Variants in ARHGAP24 observed in about 807,000 individuals in gnomAD.
ARHGAP24 encodes Rho GTPase activating protein 24, also known as rho GTPase-activating protein 24.
ARHGAP24 carries 50 observed loss-of-function variants against 76.4 expected under a neutral mutation model. The ratio of observed to expected loss-of-function variants is 0.65; its 90% confidence interval spans 0.52 to 0.83. The LOEUF is 0.83. ARHGAP24 is among the 40% of genes least tolerant of loss of function. The probability of loss-of-function intolerance (pLI) is 0.00; values close to 1 mark genes in which losing one functional copy is unlikely to be tolerated. For missense variants in ARHGAP24, 930 were observed against 914.2 expected, an observed-to-expected ratio of 1.02 and a Z score of -0.22; for synonymous variants, 345 against 323.3, an observed-to-expected ratio of 1.07 and a Z score of -0.72.
intron 3 of ARHGAP24, among the ~76,000 whole-genome samples, chr4:85,811,459 A>G (rs1480066766): frequency 1.3e-5 from 2 of 152,164 alleles, no homozygotes; most frequent in Non-Finnish European, 1.5e-5. Context: ...GAGAAACTTA[A>G]TATGCAAGGG....
chr4:85,833,340 C>A (rs990073080), intron 3 of ARHGAP24, among the ~76,000 whole-genome samples: 2 of 152,188 alleles, frequency 1.3e-5, no homozygotes, highest in African/African-American at 4.8e-5. Context: ...GGGGAGGAGA[C>A]AGCTTCAATT....
intron 3 of ARHGAP24, among the ~76,000 whole-genome samples, chr4:85,769,619 T>G (rs1727055401): frequency 6.6e-6 from 1 of 152,068 alleles, no homozygotes; most frequent in African/African-American, 2.4e-5. Context: ...GGTTAATCCT[T>G]TTTTTCTTTC....
rs551952923 is a variant in ARHGAP24, at chr4:85,797,096, A to G, written c.268+75124A>G. ...CCATTTTCTTCTGCAGTGTCTCTCTATCGCCCTCTACTGATGATAGAGTTT... is the reference window on the plus strand; with the variant it reads ...CCATTTTCTTCTGCAGTGTCTCTCTGTCGCCCTCTACTGATGATAGAGTTT... On this transcript the variant is annotated intron_variant, in intron 3 of 9. Transcript: ENST00000395184. 1.5e-3 allele frequency among the ~76,000 whole-genome samples: 228 copies of G among 152,222 alleles called. 3 individuals are homozygous for G. In the South Asian group the frequency reaches 0.019, roughly 12 times the overall value.
intron 1 of ARHGAP24, among the ~76,000 whole-genome samples, chr4:85,526,520 T>G (rs891447168): frequency 6.6e-6 from 1 of 151,956 alleles, no homozygotes; most frequent in East Asian, 1.9e-4. Context: ...TATATACTAA[T>G]GGTATGGGGC....
At chr4:85,883,844 G>C (rs1345672631) in intron 3 of ARHGAP24, among the ~76,000 whole-genome samples, 1 of 152,064 alleles carries the variant, frequency 6.6e-6, no homozygotes, top group African/African-American at 2.4e-5. Flanking sequence ...GCAGAGTATA[G>C]CTGCTTGTTC....
intron 1 of ARHGAP24, among the ~76,000 whole-genome samples, chr4:85,492,920 C>A (rs1723415623): frequency 6.6e-6 from 1 of 152,128 alleles, no homozygotes; most frequent in African/African-American, 2.4e-5. Context: ...AAATCATACA[C>A]AACATTTATT....
At chr4:85,606,225 TAGGCC>T (rs1311773147) in intron 2 of ARHGAP24, among the ~76,000 whole-genome samples, 1 of 152,130 alleles carries the variant, frequency 6.6e-6, no homozygotes, top group African/African-American at 2.4e-5. Context: ...AAGGAAAAGA[TAGGCC>T]AGGCCGGGCG....
At chr4:85,769,733 G>T (rs796579971) in intron 3 of ARHGAP24, among the ~76,000 whole-genome samples, 11 of 151,186 alleles carry the variant, frequency 7.3e-5, no homozygotes, top group South Asian at 6.3e-4. Flanking sequence ...GATTACAGGC[G>T]CCCGCCACTA....
chr4:85,737,539 T>C (rs1247521048), intron 3 of ARHGAP24, among the ~76,000 whole-genome samples: 2 of 152,212 alleles, frequency 1.3e-5, no homozygotes, highest in Non-Finnish European at 2.9e-5. Flanking sequence ...AGTATGTTAA[T>C]CGTGGCTGAA....
chr4:85,943,046 C>T (rs568221928), intron 5 of ARHGAP24, among the ~76,000 whole-genome samples: 19 of 152,196 alleles, frequency 1.2e-4, no homozygotes, highest in African/African-American at 4.6e-4. Flanking sequence ...TCTAATATTT[C>T]ACTCTACAGG....
intron 3 of ARHGAP24, among the ~76,000 whole-genome samples, chr4:85,767,279 A>T (rs1228376910): frequency 1.3e-5 from 2 of 152,188 alleles, no homozygotes; most frequent in Non-Finnish European, 2.9e-5. Context: ...ATTATAAGTA[A>T]ACTTAAATGT....
At chr4:85,502,848 CTTTG>C (rs1393939066) in intron 1 of ARHGAP24, among the ~76,000 whole-genome samples, 1 of 151,978 alleles carries the variant, frequency 6.6e-6, no homozygotes, top group Non-Finnish European at 1.5e-5. Flanking sequence ...GTGATATTGG[CTTTG>C]TTTGTCATAA....
At chr4:85,989,367 T>G (rs1740190349) in intron 8 of ARHGAP24, among the ~76,000 whole-genome samples, 1 of 151,274 alleles carries the variant, frequency 6.6e-6, no homozygotes, top group Non-Finnish European at 1.5e-5. Context: ...AAACTGAGAC[T>G]AGTAAAGCAA....
chr4:85,718,367 A>G (rs1405055442), intron 2 of ARHGAP24, among the ~76,000 whole-genome samples: 7 of 152,064 alleles, frequency 4.6e-5, no homozygotes, highest in Non-Finnish European at 1.0e-4. Context: ...TTTTGTGAAA[A>G]TTGCTCTGTA....
intron 2 of ARHGAP24, among the ~76,000 whole-genome samples, chr4:85,581,562 T>G (rs1727611881): frequency 6.6e-6 from 1 of 152,164 alleles, no homozygotes; most frequent in African/African-American, 2.4e-5. Flanking sequence ...AGTACTGGCC[T>G]TGCTTGAAGG....
At chr4:85,981,725 C>T (rs1292600072) in intron 8 of ARHGAP24, among the ~76,000 whole-genome samples, 3 of 152,052 alleles carry the variant, frequency 2.0e-5, no homozygotes, top group Non-Finnish European at 2.9e-5. Context: ...TTAGCAGTAT[C>T]CCCTCCATGC....
At chr4:85,952,399 C>G (rs1737664530) in intron 5 of ARHGAP24, among the ~76,000 whole-genome samples, 1 of 152,170 alleles carries the variant, frequency 6.6e-6, no homozygotes, top group African/African-American at 2.4e-5. Context: ...CTGTCCTCAG[C>G]TGAAGAGCAT....
chr4:85,656,900 C>T (rs1235541566), intron 2 of ARHGAP24, among the ~76,000 whole-genome samples: 5 of 152,066 alleles, frequency 3.3e-5, no homozygotes, highest in Non-Finnish European at 7.4e-5. Flanking sequence ...TGTTTAACTT[C>T]GCTCCTTTCA....
chr4:85,902,999 C>G (rs1734586590), intron 3 of ARHGAP24, among the ~76,000 whole-genome samples: 2 of 152,204 alleles, frequency 1.3e-5, no homozygotes, highest in Non-Finnish European at 2.9e-5. Context: ...CTGTTCTGTT[C>G]TATATCCTCA....
Sources: allele counts gnomAD v4.1 joint callset (sites outside exome capture counted in the v4.1 genomes callset), GRCh38; gene constraint gnomAD v4.1.1; transcripts MANE v1.5; gene names NCBI Gene and HGNC (gene_info 2026-07-23, HGNC 2026-07-21).